Variants in WSCD2 observed in about 807,000 individuals in gnomAD.
WSCD2 encodes the protein sialate:O-sulfotransferase 2.
In WSCD2, 28 loss-of-function variants were observed where a neutral mutation model predicts 55.7. That is an observed-to-expected ratio of 0.50 (90% CI 0.37 to 0.69). The LOEUF (loss-of-function observed/expected upper bound fraction) is 0.69. WSCD2 is among the 30% of genes least tolerant of loss of function. The pLI is 0.00. For missense variants in WSCD2, 616 were observed against 762.1 expected, an observed-to-expected ratio of 0.81 and a Z score of 2.26; for synonymous variants, 301 against 301.9, an observed-to-expected ratio of 1.00 and a Z score of 0.03.
rs1245987405 is a variant in WSCD2 at position 108,167,425 on chromosome 12, A to T, written c.-551-27857A>T. 9 of 152,290 alleles carry T rather than the reference A, an allele frequency of 5.9e-5. No homozygotes were observed. The South Asian group carries it at 1.7e-3, about 28-fold the overall frequency. The allele number at this position is 152,290 out of a possible 1,614,324, so 9.4% of individuals were successfully genotyped here. On this transcript the variant is annotated intron_variant, in intron 1 of 8. Transcript: ENST00000547525. Reference sequence around the variant, plus strand: ...TCTCTCAATTTTCATTCTATTCCAGATGTTCGCTTGTGTGTTCTCCACTGC... The same window carrying T: ...TCTCTCAATTTTCATTCTATTCCAGTTGTTCGCTTGTGTGTTCTCCACTGC...
chr12:108,171,415 C>T (rs1880231837), intron 1 of WSCD2, among the ~76,000 whole-genome samples: 1 of 152,258 alleles, frequency 6.6e-6, no homozygotes, highest in African/African-American at 2.4e-5. Flanking sequence ...GGCTATTGAA[C>T]ATTTGAAATA....
chr12:108,158,092 G>A (rs1457675500), intron 1 of WSCD2, among the ~76,000 whole-genome samples: 1 of 152,136 alleles, frequency 6.6e-6, no homozygotes, highest in African/African-American at 2.4e-5. Flanking sequence ...CTTACGGGAT[G>A]TCTGAGGCTG....
chr12:108,145,703 A>C lies in WSCD2; in HGVS notation c.-552+15777A>C, dbSNP rs553677727. On this transcript the variant is annotated intron_variant, in intron 1 of 8. Transcript: ENST00000547525. ...TTGCTTTATAATACTCATAACTGTG[A>C]AAAACAGGAACTGCTGAAATGTCCA... Among the ~76,000 whole-genome samples, 3 of 152,354 alleles carry C rather than the reference A, an allele frequency of 2.0e-5. No homozygotes were observed. The South Asian group carries it at 6.2e-4, about 32-fold the overall frequency.
chr12:108,144,206 G>A (rs1565914715), intron 1 of WSCD2, among the ~76,000 whole-genome samples: 1 of 152,136 alleles, frequency 6.6e-6, no homozygotes, highest in Non-Finnish European at 1.5e-5. Flanking sequence ...TGTACTGTCT[G>A]TACGTTGAGA....
At chr12:108,205,159 G>C (rs751796) in intron 2 of WSCD2, among the ~76,000 whole-genome samples, 9,935 of 152,082 alleles carry the variant, frequency 0.065, 477 homozygotes, top group African/African-American at 0.14. Flanking sequence ...ACTTCACATG[G>C]GGGCATTACA....
intron 1 of WSCD2, among the ~76,000 whole-genome samples, chr12:108,178,435 T>C (rs1327057345): frequency 6.6e-6 from 1 of 152,218 alleles, no homozygotes; most frequent in Non-Finnish European, 1.5e-5. Context: ...CTTCTAGGCC[T>C]TTGCCTGACC....
intron 1 of WSCD2, among the ~76,000 whole-genome samples, chr12:108,186,391 G>T (rs1882497269): frequency 6.6e-6 from 1 of 152,036 alleles, no homozygotes; most frequent in African/African-American, 2.4e-5. Context: ...GTGTCCATTA[G>T]GGCTCACTCT....
chr12:108,240,462 C>T lies in WSCD2; in HGVS notation c.1263C>T (p.Pro421=). Reference sequence around the variant, plus strand: ...CCGCCATCCTGCTCATCCGCAACCCCTACAAAGCCCTCATGGCTGAGTTCA... The same window carrying T: ...CCGCCATCCTGCTCATCCGCAACCCTTACAAAGCCCTCATGGCTGAGTTCA... ...FDAAILLIRN[P]YKALMAEFNR... Residue 421 remains proline (P), a synonymous_variant, in exon 8 of 9, where the codon CCC becomes CCT. Coordinates refer to ENST00000547525, the MANE Select transcript of WSCD2 (RefSeq NM_014653.4). The T allele has an allele frequency of 6.2e-7, 1 of 1,614,068 alleles. No homozygotes were observed. The highest frequency in any genetic ancestry group is 8.5e-7 in the Non-Finnish European group (1 of 1,180,030).
At chr12:108,145,896 T>C (rs1877332955) in intron 1 of WSCD2, among the ~76,000 whole-genome samples, 1 of 152,204 alleles carries the variant, frequency 6.6e-6, no homozygotes, top group Non-Finnish European at 1.5e-5. Context: ...GGATTCTTGT[T>C]ATAAAATGCT....
At chr12:108,202,038 C>A (rs572104267) in intron 2 of WSCD2, among the ~76,000 whole-genome samples, 1 of 152,284 alleles carries the variant, frequency 6.6e-6, no homozygotes, top group Admixed American at 6.5e-5. Flanking sequence ...TTTTACATAT[C>A]TGACCTCCTG....
intron 8 of WSCD2, 144 bp downstream of exon 8, chr12:108,240,688 G>A (rs983955447): frequency 4.5e-5 from 44 of 973,920 alleles, no homozygotes; most frequent in Non-Finnish European, 5.7e-5. Context: ...TGGAGGGCGC[G>A]TGTCATGCTC....
chr12:108,164,284 A>G (rs1045895161), intron 1 of WSCD2, among the ~76,000 whole-genome samples: 2 of 151,324 alleles, frequency 1.3e-5, no homozygotes, highest in African/African-American at 4.9e-5. Flanking sequence ...CAAGATACAG[A>G]CCATTCTTAT....
At chr12:108,137,562 T>C (rs556701132) in intron 1 of WSCD2, among the ~76,000 whole-genome samples, 1 of 152,272 alleles carries the variant, frequency 6.6e-6, no homozygotes, top group South Asian at 2.1e-4. Context: ...ATTACAAAAC[T>C]ACGAAGCATG....
At chr12:108,214,718 C>T (rs1214176146) in intron 4 of WSCD2, among the ~76,000 whole-genome samples, 1 of 152,192 alleles carries the variant, frequency 6.6e-6, no homozygotes, top group African/African-American at 2.4e-5. Flanking sequence ...CCTAAAACCC[C>T]AATGATGGCA....
chr12:108,217,554 G>A (rs114953678), intron 4 of WSCD2, among the ~76,000 whole-genome samples: 2,826 of 152,224 alleles, frequency 0.019, 98 homozygotes, highest in African/African-American at 0.065. Context: ...CAGGTCCCTG[G>A]GTGTCGAGCT....
At chr12:108,242,523 C>T (rs1002155827) in intron 8 of WSCD2, among the ~76,000 whole-genome samples, 6 of 152,118 alleles carry the variant, frequency 3.9e-5, no homozygotes, top group African/African-American at 4.8e-5. Flanking sequence ...GCTGGCTGCT[C>T]CTTACGGTCC....
At chr12:108,141,380 T>C (rs1385893876) in intron 1 of WSCD2, among the ~76,000 whole-genome samples, 1 of 152,190 alleles carries the variant, frequency 6.6e-6, no homozygotes, top group Non-Finnish European at 1.5e-5. Context: ...GGACTACAGA[T>C]GGCCACCACC....
In WSCD2 at chr12:108,195,476, GAAACCTTCT is replaced by G; in HGVS notation, c.-356_-348del. 1 of 210,182 alleles carries G rather than the reference GAAACCTTCT, an allele frequency of 4.8e-6. No individual in the cohort carries two copies. Among genetic ancestry groups the G allele is most frequent in the East Asian group, 1.2e-4 (1 of 8,212 alleles). The allele number at this position is 210,182 out of a possible 1,614,324, so 13.0% of individuals were successfully genotyped here. A position where few individuals can be genotyped will look rare whatever the true frequency, so the allele number is the denominator to read the frequency against. On this transcript the variant is annotated 5_prime_UTR_variant, in exon 2 of 9. Transcript: ENST00000547525. ...GAACTGCAGCTGCTGGTAACCCTCA[GAAACCTTCT>G]CCAAGTGCTATTCTCACAGTTCTTT...
chr12:108,135,477 A>G (rs1876093003), intron 1 of WSCD2, among the ~76,000 whole-genome samples: 1 of 152,216 alleles, frequency 6.6e-6, no homozygotes, highest in Non-Finnish European at 1.5e-5. Flanking sequence ...AGTGCCTTTC[A>G]TGCTGGAAGC....
Sources: allele counts gnomAD v4.1 joint callset (sites outside exome capture counted in the v4.1 genomes callset), GRCh38; gene constraint gnomAD v4.1.1; transcripts MANE v1.5; gene names NCBI Gene and HGNC (gene_info 2026-07-23, HGNC 2026-07-21).